PPP1R9A: variants seen among roughly 807,000 people sequenced by gnomAD.
PPP1R9A encodes the protein neurabin-1.
PPP1R9A carries 59 observed loss-of-function variants against 141.9 expected under a neutral mutation model. The observed-to-expected ratio is 0.42, with a 90% confidence interval of 0.34 to 0.52. PPP1R9A has a LOEUF of 0.52. Ranked by LOEUF, PPP1R9A falls within the 20% of genes least tolerant of loss-of-function variation. The pLI, the probability that PPP1R9A is intolerant of heterozygous loss-of-function variation, is 0.10. For missense variants in PPP1R9A, 1,444 were observed against 1,611.9 expected (o/e 0.90, Z 1.78); for synonymous variants, 500 against 569.7 (o/e 0.88, Z 1.74).
rs1798899907 is a variant in PPP1R9A at position 95,251,743 on chromosome 7, CTAT to C, written c.2397-14_2397-12del. On this transcript the variant is annotated splice_polypyrimidine_tract_variant and intron_variant, in intron 10 of 19. Coordinates refer to ENST00000433360, the MANE Select transcript of PPP1R9A (RefSeq NM_001166160.2). ...TATTGAGTGTATGATATAATCAGAA[CTAT>C]TATTTTCTTCTTAAGAGAGCTTGAT... 3 of 1,595,284 alleles carry C rather than the reference CTAT, an allele frequency of 1.9e-6. No homozygotes were observed. The highest frequency in any genetic ancestry group is 3.4e-5 in the Admixed American group (2 of 59,344).
At chr7:94,987,219 G>A (rs1355578036) in intron 2 of PPP1R9A, among the ~76,000 whole-genome samples, 1 of 152,096 alleles carries the variant, frequency 6.6e-6, no homozygotes, top group Non-Finnish European at 1.5e-5. Context: ...TTTGGCTGTG[G>A]CTCTGCTGTT....
At chr7:95,235,104 A>G (rs1387349723) in intron 8 of PPP1R9A, among the ~76,000 whole-genome samples, 3 of 152,160 alleles carry the variant, frequency 2.0e-5, no homozygotes, top group Admixed American at 2.0e-4. Context: ...ACACTGGCTT[A>G]GGCAAAGAGT....
At chr7:95,271,678 T>A (rs972123704) in intron 14 of PPP1R9A, among the ~76,000 whole-genome samples, 11 of 152,228 alleles carry the variant, frequency 7.2e-5, no homozygotes, top group African/African-American at 2.6e-4. Flanking sequence ...ACCTTAGGAT[T>A]TGGCCATCAG....
chr7:95,232,030 A>G (rs749121944), intron 8 of PPP1R9A, among the ~76,000 whole-genome samples: 5 of 152,162 alleles, frequency 3.3e-5, no homozygotes, highest in Non-Finnish European at 5.9e-5. Flanking sequence ...AGATCCAGAT[A>G]AGCTCAGTTA....
intron 1 of PPP1R9A, 133 bp downstream of exon 1, chr7:94,907,835 G>C (rs1391927162): frequency 2.7e-5 from 4 of 150,412 alleles, no homozygotes; most frequent in Non-Finnish European, 4.4e-5. Flanking sequence ...CCTGGCCCCA[G>C]GCCGGCCCGA....
intron 2 of PPP1R9A, among the ~76,000 whole-genome samples, chr7:94,925,785 T>TC (rs1468907567): frequency 6.6e-6 from 1 of 151,696 alleles, no homozygotes; most frequent in Non-Finnish European, 1.5e-5. Context: ...CTTCTCCCCC[T>TC]CCCCCCACCT....
At chr7:95,253,564 C>A (rs560302998) in intron 12 of PPP1R9A, among the ~76,000 whole-genome samples, 1 of 152,118 alleles carries the variant, frequency 6.6e-6, no homozygotes, top group Admixed American at 6.6e-5. Flanking sequence ...ATTAGCATTA[C>A]GACTAAGTGA....
intron 4 of PPP1R9A, among the ~76,000 whole-genome samples, chr7:95,127,017 A>G (rs1474818123): frequency 6.6e-6 from 1 of 151,728 alleles, no homozygotes; most frequent in Admixed American, 6.6e-5. Flanking sequence ...TCTTCTCCTC[A>G]TTTTTAGTTT....
Position 95,290,220 on chromosome 7 carries a change from A to G in PPP1R9A, c.4042A>G (p.Lys1348Glu), listed in dbSNP as rs1194723680. Residue 1348 changes from lysine to glutamate, a missense_variant, in exon 20 of 20, where the codon AAG (lysine) becomes GAG (glutamate). Physicochemically the swap from Lys to Glu is moderately conservative, Grantham distance 56 (BLOSUM62 1). Coordinates refer to ENST00000433360, the MANE Select transcript of PPP1R9A (RefSeq NM_001166160.2). ...AAAACAAAGAGAAAAGCTAAGGAGA[A>G]AGGAGCAAGAGCAAATGCAGAGGAA... is the stretch of plus-strand genomic sequence containing the variant. Reference protein sequence around the residue: ...MEKQREKLRRKEQEQMQRKSK... With the variant: ...MEKQREKLRREEQEQMQRKSK... 1 of 1,613,584 alleles carries G rather than the reference A, an allele frequency of 6.2e-7. No homozygotes were observed. The highest frequency in any genetic ancestry group is 1.7e-5 in the Admixed American group (1 of 59,898).
At chr7:95,225,882 C>T in intron 7 of PPP1R9A, 79 bp from the exon 8 acceptor site, 1 of 1,468,414 alleles carries the variant, frequency 6.8e-7, no homozygotes, top group African/African-American at 1.4e-5. Context: ...TCTTACTTGT[C>T]TTTTATAAAA....
At chr7:95,267,885 G>A (rs890094821) in intron 12 of PPP1R9A, among the ~76,000 whole-genome samples, 8 of 152,084 alleles carry the variant, frequency 5.3e-5, no homozygotes, top group Admixed American at 1.3e-4. Context: ...AAGTACTTAC[G>A]ATTTTTTAAC....
At chr7:94,970,639 T>C (rs959813825) in intron 2 of PPP1R9A, among the ~76,000 whole-genome samples, 1 of 150,248 alleles carries the variant, frequency 6.7e-6, no homozygotes, top group Non-Finnish European at 1.5e-5. Context: ...CACCTTTTTT[T>C]TTTTTTTTTT....
rs563147106 is a variant in PPP1R9A at position 95,269,840 on chromosome 7, A to G, written c.3124+333A>G. Among the ~76,000 whole-genome samples, 31 of 152,264 alleles carry G rather than the reference A, an allele frequency of 2.0e-4. No homozygotes were observed. In the South Asian group the frequency reaches 6.4e-3, roughly 32 times the overall value. ...ACACTACATAGTCATATAGAAAAAT[A>G]TAGAGCGATTTTGTAGAATAGCAGC... On this transcript the variant is annotated intron_variant, in intron 14 of 19. Coordinates refer to ENST00000433360, the MANE Select transcript of PPP1R9A (RefSeq NM_001166160.2).
chr7:95,125,971 T>C (rs1440384135), intron 4 of PPP1R9A, among the ~76,000 whole-genome samples: 3 of 152,290 alleles, frequency 2.0e-5, no homozygotes, highest in East Asian at 3.9e-4. Flanking sequence ...GAACCCTGGA[T>C]GGAAACTTGT....
chr7:95,198,673 C>G (rs1332071310), intron 6 of PPP1R9A, among the ~76,000 whole-genome samples, 189 bp downstream of exon 6: 1 of 152,126 alleles, frequency 6.6e-6, no homozygotes, highest in Non-Finnish European at 1.5e-5. Flanking sequence ...GTCATGGTAT[C>G]CTGTTTACAG....
At chr7:95,064,603 A>G (rs796404527) in intron 2 of PPP1R9A, among the ~76,000 whole-genome samples, 21 of 152,368 alleles carry the variant, frequency 1.4e-4, no homozygotes, top group African/African-American at 5.0e-4. Flanking sequence ...GAACGTGCCC[A>G]TTGGGCAACT....
intron 2 of PPP1R9A, among the ~76,000 whole-genome samples, chr7:94,933,333 A>G (rs1469583892): frequency 6.6e-6 from 1 of 152,182 alleles, no homozygotes; most frequent in African/African-American, 2.4e-5. Context: ...GGTGAAATTA[A>G]CATATTCTGA....
At chr7:95,038,891 C>T (rs1265804707) in intron 2 of PPP1R9A, among the ~76,000 whole-genome samples, 1 of 151,970 alleles carries the variant, frequency 6.6e-6, no homozygotes, top group Non-Finnish European at 1.5e-5. Flanking sequence ...CTTAAAGAAA[C>T]CCATAGTTAA....
intron 2 of PPP1R9A, among the ~76,000 whole-genome samples, chr7:95,025,050 G>A (rs1165764933): frequency 3.3e-5 from 5 of 152,006 alleles, no homozygotes; most frequent in Admixed American, 3.3e-4. Flanking sequence ...TAGTTTGGCT[G>A]GGTATGAAAT....
Sources: allele counts gnomAD v4.1 joint callset (sites outside exome capture counted in the v4.1 genomes callset), GRCh38; gene constraint gnomAD v4.1.1; transcripts MANE v1.5; gene names NCBI Gene and HGNC (gene_info 2026-07-23, HGNC 2026-07-21).